The following ZNF365 variants were observed in gnomAD, a reference collection of about 807,000 sequenced individuals.
The protein encoded by ZNF365 is zinc finger protein 365, also known as protein ZNF365.
A neutral mutation model predicts 35.0 loss-of-function variants in ZNF365; 22 were observed. The ratio of observed to expected loss-of-function variants is 0.63; its 90% CI spans 0.45 to 0.90. The LOEUF is 0.90. Among genes scored for constraint, ZNF365 ranks in the 40% least tolerant of loss-of-function variants. The probability of loss-of-function intolerance (pLI) is 0.00; values close to 1 mark genes in which losing one functional copy is unlikely to be tolerated. For synonymous variants in ZNF365, 188 were observed against 196.2 expected, an observed-to-expected ratio of 0.96 and a Z score of 0.35; for missense variants, 448 against 500.3, an observed-to-expected ratio of 0.90 and a Z score of 1.00.
At chr10:62,450,110 TAA>T (rs757628972) in intron 3 of ZNF365, among the ~76,000 whole-genome samples, 61 of 150,168 alleles carry the variant, frequency 4.1e-4, no homozygotes, top group Admixed American at 2.1e-3. Flanking sequence ...CCAACTCCAT[TAA>T]AAAAAAAATT....
chr10:62,450,896 T>G (rs899518642), intron 3 of ZNF365, among the ~76,000 whole-genome samples: 1 of 152,236 alleles, frequency 6.6e-6, no homozygotes, highest in Admixed American at 6.5e-5. Flanking sequence ...TGACATAAAG[T>G]TTATTTTTTC....
chr10:62,394,552 T>A (rs1279235497), intron 3 of ZNF365, among the ~76,000 whole-genome samples: 1 of 152,216 alleles, frequency 6.6e-6, no homozygotes, highest in Non-Finnish European at 1.5e-5. Flanking sequence ...GATGGGATAG[T>A]AGGTCACTTT....
At chr10:62,453,138 A>G in intron 3 of ZNF365, among the ~76,000 whole-genome samples, 1 of 152,206 alleles carries the variant, frequency 6.6e-6, no homozygotes, top group East Asian at 1.9e-4. Flanking sequence ...TCTTTAAAAA[A>G]TTTTTTAAAT....
intron 3 of ZNF365, among the ~76,000 whole-genome samples, chr10:62,415,090 T>C (rs1174977120): frequency 2.0e-5 from 3 of 152,188 alleles, no homozygotes; most frequent in Non-Finnish European, 4.4e-5. Flanking sequence ...TCCTTATTTT[T>C]TTGAACATAT....
At chr10:62,408,345 G>A (rs184237534) in intron 3 of ZNF365, among the ~76,000 whole-genome samples, 130 of 152,292 alleles carry the variant, frequency 8.5e-4, no homozygotes, top group Admixed American at 8.2e-3. Flanking sequence ...ACATTAAACA[G>A]TCTGAATGGT....
At chr10:62,420,737 T>C (rs1840153256) in intron 3 of ZNF365, among the ~76,000 whole-genome samples, 1 of 152,068 alleles carries the variant, frequency 6.6e-6, no homozygotes, top group South Asian at 2.1e-4. Context: ...TGGTTTTGTA[T>C]GCACCTAATG....
intron 3 of ZNF365, among the ~76,000 whole-genome samples, chr10:62,395,176 A>G (rs17311454): frequency 5.2e-4 from 79 of 152,250 alleles, no homozygotes; most frequent in African/African-American, 1.9e-3. Flanking sequence ...TGTTAAAAGC[A>G]TCTGAGTTAT....
At chr10:62,388,187 A>T (rs1839555194) in intron 2 of ZNF365, among the ~76,000 whole-genome samples, 1 of 152,130 alleles carries the variant, frequency 6.6e-6, no homozygotes, top group South Asian at 2.1e-4. Context: ...ACATATATTT[A>T]TTTGTTTGTT....
Position 62,401,127 on chromosome 10 carries a change from T to C in ZNF365, c.*1338T>C. On this transcript the variant is annotated 3_prime_UTR_variant, in exon 5 of 5. Transcript: ENST00000395254. Reference sequence around the variant, plus strand: ...ACAGGAATAATTTTGTCCACAAATATATACATATATACATATATATAACAC... The same window carrying C: ...ACAGGAATAATTTTGTCCACAAATACATACATATATACATATATATAACAC... 1 of 964,800 alleles carries C rather than the reference T, an allele frequency of 1.0e-6. No homozygotes were observed. Among genetic ancestry groups the C allele is most frequent in the Non-Finnish European group, 1.2e-6 (1 of 811,296 alleles). The allele number at this position is 964,800 out of a possible 1,614,324, so 59.8% of individuals were successfully genotyped here.
chr10:62,408,082 G>GCACCTCAACAATGGT (rs2132436914), intron 3 of ZNF365, among the ~76,000 whole-genome samples: 1 of 152,182 alleles, frequency 6.6e-6, no homozygotes, highest in Admixed American at 6.5e-5. Flanking sequence ...CAGTTGAAAG[G>GCACCTCAACAATGGT]GCACTGATCT....
At chr10:62,403,486 G>A (rs1251768571), downstream of ZNF365, among the ~76,000 whole-genome samples, 6 of 152,228 alleles carry the variant, frequency 3.9e-5, no homozygotes, top group Non-Finnish European at 5.9e-5. Flanking sequence ...GTGAAACCCC[G>A]TCTCTACTAA....
chr10:62,412,489 G>T (rs555310766), intron 3 of ZNF365, among the ~76,000 whole-genome samples: 1 of 152,212 alleles, frequency 6.6e-6, no homozygotes, highest in East Asian at 1.9e-4. Context: ...GAGAGAGGAA[G>T]TCAAATTATC....
chr10:62,428,542 TC>T (rs36107615), intron 3 of ZNF365, among the ~76,000 whole-genome samples: 82,943 of 152,044 alleles, frequency 0.55, 24,117 homozygotes, highest in East Asian at 0.75. Context: ...TCCTGAGGCC[TC>T]CCCAGCCCTG....
At chr10:62,399,262 A>G (rs1839782726) in intron 4 of ZNF365, among the ~76,000 whole-genome samples, 1 of 152,186 alleles carries the variant, frequency 6.6e-6, no homozygotes. Flanking sequence ...CGGGGTAGTC[A>G]TTAACATTTT....
At chr10:62,399,473 A>C in intron 4 of ZNF365, 55 bp from the exon 5 acceptor site, 1 of 1,588,338 alleles carries the variant, frequency 6.3e-7, no homozygotes, top group Non-Finnish European at 8.6e-7. Context: ...AAGGTTTTAA[A>C]GAAATCTTTC....
Position 62,478,604 on chromosome 10 carries a change from C to T in ZNF365, c.982-1272C>T, listed in dbSNP as rs372793716. On this transcript the variant is annotated intron_variant, in intron 4 of 4. Transcript: ENST00000395255. Reference sequence around the variant, plus strand: ...TGTTTGTTTTTTTGAGACGGAGTCTCGCTCTGTCACCCAGGCTGGAGTGCA... The same window carrying T: ...TGTTTGTTTTTTTGAGACGGAGTCTTGCTCTGTCACCCAGGCTGGAGTGCA... 9.8e-5 allele frequency among the ~76,000 whole-genome samples: 15 copies of T among 152,318 alleles called. No individual in the cohort carries two copies. The East Asian group carries it at 1.5e-3, about 16-fold the overall frequency.
chr10:62,407,612 G>A (rs74156200), intron 3 of ZNF365, among the ~76,000 whole-genome samples: 7,121 of 151,126 alleles, frequency 0.047, 343 homozygotes, highest in African/African-American at 0.13. Context: ...CTCCTCACTC[G>A]GTGCCCTGTG....
At chr10:62,437,894 C>T (rs765023696) in intron 3 of ZNF365, among the ~76,000 whole-genome samples, 4 of 152,208 alleles carry the variant, frequency 2.6e-5, no homozygotes, top group South Asian at 2.1e-4. Context: ...TTTTATTGGT[C>T]GCCTGGTGAG....
intron 2 of ZNF365, 56 bp from the exon 3 acceptor site, chr10:62,388,340 G>C: frequency 6.2e-7 from 1 of 1,601,502 alleles, no homozygotes; most frequent in East Asian, 2.2e-5. Flanking sequence ...TGTGTTGAAT[G>C]AGTGAATTCC....
Sources: allele counts gnomAD v4.1 joint callset (sites outside exome capture counted in the v4.1 genomes callset), GRCh38; gene constraint gnomAD v4.1.1; transcripts MANE v1.5; gene names NCBI Gene and HGNC (gene_info 2026-07-23, HGNC 2026-07-21).